The following ARHGAP31 variants were observed in gnomAD, a reference collection of about 807,000 sequenced individuals.
ARHGAP31 encodes rho GTPase-activating protein 31.
ARHGAP31 carries 34 observed loss-of-function variants against 113.9 expected under a neutral mutation model. The observed-to-expected ratio is 0.30, with a 90% CI of 0.23 to 0.40. The LOEUF is 0.40. Ranked by LOEUF, ARHGAP31 falls within the 10% of genes least tolerant of loss-of-function variation. The pLI is 1.00. For missense variants in ARHGAP31, 1,548 were observed against 1,767.1 expected, an observed-to-expected ratio of 0.88 and a Z score of 2.22; for synonymous variants, 650 against 684.8, an observed-to-expected ratio of 0.95 and a Z score of 0.79.
chr3:119,368,550 T>C (rs1300555595), intron 3 of ARHGAP31, 34 bp downstream of exon 3: 18 of 1,612,928 alleles, frequency 1.1e-5, no homozygotes, highest in Non-Finnish European at 1.5e-5. Context: ...GGTTACTGGG[T>C]GGGATGCATG....
intron 1 of ARHGAP31, among the ~76,000 whole-genome samples, chr3:119,299,317 C>G (rs1447793361): frequency 6.6e-6 from 1 of 152,234 alleles, no homozygotes; most frequent in African/African-American, 2.4e-5. Context: ...AACGCACCTT[C>G]TGAATGTTTG....
chr3:119,401,717 C>T (rs2080609004), intron 9 of ARHGAP31, 105 bp from the exon 10 acceptor site: 7 of 1,054,726 alleles, frequency 6.6e-6, no homozygotes, highest in Non-Finnish European at 1.0e-5. Context: ...TGTTAGAATG[C>T]TGTGCCTCTC....
chr3:119,301,929 T>C (rs574419802), intron 1 of ARHGAP31, among the ~76,000 whole-genome samples: 160 of 152,344 alleles, frequency 1.1e-3, no homozygotes, highest in African/African-American at 3.6e-3. Context: ...CCCTGGCGTC[T>C]GCATCTCAGG....
intron 11 of ARHGAP31, among the ~76,000 whole-genome samples, chr3:119,410,287 G>A (rs1208093261): frequency 6.6e-6 from 1 of 152,150 alleles, no homozygotes; most frequent in Non-Finnish European, 1.5e-5. Context: ...ACTAAACCTT[G>A]TCTACTTTTT....
At chr3:119,297,909 A>AACAC (rs10575145) in intron 1 of ARHGAP31, among the ~76,000 whole-genome samples, 20,264 of 142,582 alleles carry the variant, frequency 0.14, 1,491 homozygotes, top group Admixed American at 0.22. Context: ...TTTCCTTAGA[A>AACAC]ACACACACAC....
chr3:119,368,638 G>A (rs2080270585), intron 3 of ARHGAP31, 122 bp downstream of exon 3: 2 of 1,288,472 alleles, frequency 1.6e-6, no homozygotes, highest in Non-Finnish European at 1.1e-6. Context: ...TTAGCGTGGT[G>A]AGGGAAGTAG....
chr3:119,398,964 T>C (rs892263503), intron 8 of ARHGAP31, among the ~76,000 whole-genome samples: 1 of 152,212 alleles, frequency 6.6e-6, no homozygotes, highest in Non-Finnish European at 1.5e-5. Flanking sequence ...TTTACCTTTA[T>C]TGTAAAATAT....
chr3:119,419,872 T>C lies in ARHGAP31; in HGVS notation c.*3608T>C, dbSNP rs1028512792. ...GTTCGGAGGTTTCGTGTGGTCATAA[T>C]TGGTTTGGTGAAGTGTGAGATCTCT... On this transcript the variant is annotated 3_prime_UTR_variant, in exon 12 of 12. Transcript: ENST00000264245. The C allele has an allele frequency of 2.0e-5, 3 of 152,192 alleles. No homozygotes were observed. The highest frequency in any genetic ancestry group is 4.8e-5 in the African/African-American group (2 of 41,454). The allele number at this position is 152,192 out of a possible 1,614,324, so 9.4% of individuals were successfully genotyped here.
At chr3:119,369,953 TA>T (rs75461100) in intron 3 of ARHGAP31, among the ~76,000 whole-genome samples, 8,640 of 146,960 alleles carry the variant, frequency 0.059, 461 homozygotes, top group African/African-American at 0.15. Context: ...AATGAAGATT[TA>T]AAAAAAAAAG....
At chr3:119,317,040 T>G (rs2079738335) in intron 1 of ARHGAP31, among the ~76,000 whole-genome samples, 1 of 152,244 alleles carries the variant, frequency 6.6e-6, no homozygotes, top group Non-Finnish European at 1.5e-5. Flanking sequence ...GTGTTTTGTT[T>G]TGCGTAAGAC....
intron 9 of ARHGAP31, 85 bp from the exon 10 acceptor site, chr3:119,401,737 A>G (rs1311877368): frequency 7.8e-7 from 1 of 1,285,256 alleles, no homozygotes; most frequent in Non-Finnish European, 1.1e-6. Context: ...CTAGTATTCA[A>G]ATGTCGTGTG....
At chr3:119,308,626 C>A (rs1411007423) in intron 1 of ARHGAP31, among the ~76,000 whole-genome samples, 1 of 152,166 alleles carries the variant, frequency 6.6e-6, no homozygotes, top group Non-Finnish European at 1.5e-5. Context: ...GGACACTATC[C>A]CTATCTCAAG....
chr3:119,414,993 C>G lies in ARHGAP31; in HGVS notation c.3064C>G (p.Gln1022Glu). 6.2e-7 allele frequency: 1 copy of G among 1,614,166 alleles called. No individual in the cohort carries two copies. The highest frequency in any genetic ancestry group is 8.5e-7 in the Non-Finnish European group (1 of 1,180,030). Residue 1022 changes from glutamine (Q) to glutamate (E), a missense_variant, in exon 12 of 12, where the codon CAG becomes GAG. Physicochemically the swap from Gln to Glu is conservative, Grantham distance 29. Coordinates refer to ENST00000264245, the MANE Select transcript of ARHGAP31 (RefSeq NM_020754.4). Reference protein sequence around the residue: ...GLKGAEAPPNQKGPSGVQPNP... With the variant: ...GLKGAEAPPNEKGPSGVQPNP... The stretch of plus-strand genomic sequence containing the variant: ...GAAAGGGGCAGAGGCTCCTCCCAAC[C>G]AGAAGGGACCAAGTGGTGTGCAACC...
chr3:119,332,647 A>T (rs945246810), intron 1 of ARHGAP31, among the ~76,000 whole-genome samples: 96 of 116,986 alleles, frequency 8.2e-4, no homozygotes, highest in African/African-American at 2.5e-3. Context: ...ACACACACAC[A>T]CACACACACA....
At chr3:119,352,379 T>A (rs16829740) in intron 1 of ARHGAP31, among the ~76,000 whole-genome samples, 63,410 of 151,976 alleles carry the variant, frequency 0.42, 15,411 homozygotes, top group African/African-American at 0.68. Flanking sequence ...TACTGATGAC[T>A]TGTGGACCCA....
At chr3:119,307,850 T>C (rs2079643418) in intron 1 of ARHGAP31, among the ~76,000 whole-genome samples, 1 of 148,860 alleles carries the variant, frequency 6.7e-6, no homozygotes, top group Admixed American at 6.9e-5. Flanking sequence ...ATCTCACATA[T>C]GCCTATTTAT....
chr3:119,417,655 C>G lies in ARHGAP31; in HGVS notation c.*1391C>G, dbSNP rs2107648825. The G allele has an allele frequency of 6.6e-6, 1 of 151,844 alleles. No homozygotes were observed. The highest frequency in any genetic ancestry group is 6.6e-5 in the Admixed American group (1 of 15,242). The allele number at this position is 151,844 out of a possible 1,614,324, so 9.4% of individuals were successfully genotyped here. ...ATCCACCGCCCACTCCAGGCACTCA[C>G]TCAAACTTGCTCTTCAACTCTGTAT... is the stretch of plus-strand genomic sequence containing the variant. On this transcript the variant is annotated 3_prime_UTR_variant, in exon 12 of 12. Coordinates refer to ENST00000264245, the MANE Select transcript of ARHGAP31 (RefSeq NM_020754.4).
intron 1 of ARHGAP31, among the ~76,000 whole-genome samples, chr3:119,334,508 C>T (rs1216516386): frequency 4.6e-5 from 7 of 152,248 alleles, no homozygotes; most frequent in Admixed American, 4.6e-4. Context: ...GTGGTCCCCT[C>T]GAAGTCATGC....
In ARHGAP31 at chr3:119,380,978, C is replaced by T. The variant is rs200220489; in HGVS notation, c.423C>T (p.Ser141=). The T allele has an allele frequency of 1.4e-4, 228 of 1,614,012 alleles. No individual in the cohort carries two copies. The highest frequency in any genetic ancestry group is 1.9e-4 in the Non-Finnish European group (221 of 1,179,888). ...IQNVIQELPP[S]HYRTLEYLIR... Reference sequence around the variant, plus strand: ...ATGTTATCCAGGAGCTTCCTCCATCCCACTATAGGTAAGAATGGTTGGGAA... The same window carrying T: ...ATGTTATCCAGGAGCTTCCTCCATCTCACTATAGGTAAGAATGGTTGGGAA... Residue 141 remains serine, a synonymous_variant, in exon 4 of 12, where the codon TCC becomes TCT. Coordinates refer to ENST00000264245, the MANE Select transcript of ARHGAP31 (RefSeq NM_020754.4).
Sources: allele counts gnomAD v4.1 joint callset (sites outside exome capture counted in the v4.1 genomes callset), GRCh38; gene constraint gnomAD v4.1.1; transcripts MANE v1.5; gene names NCBI Gene and HGNC (gene_info 2026-07-23, HGNC 2026-07-21).